ESR1: variants seen among roughly 807,000 people sequenced by gnomAD.
ESR1 encodes the protein estrogen receptor.
ESR1 carries 12 observed loss-of-function variants against 52.7 expected under a neutral mutation model. That is an observed-to-expected ratio of 0.23 (90% CI 0.15 to 0.37). The LOEUF (loss-of-function observed/expected upper bound fraction) is 0.37, where lower values mean the gene tolerates loss of function less well. Among genes scored for constraint, ESR1 ranks in the 10% least tolerant of loss-of-function variants. The pLI is 1.00. For missense variants in ESR1, 584 were observed against 779.7 expected, an observed-to-expected ratio of 0.75 and a Z score of 2.99; for synonymous variants, 305 against 316.8, an observed-to-expected ratio of 0.96 and a Z score of 0.39.
At chr6:152,124,898 TTGCTAGGCAGCACTC>T (rs1163776372) in intron 6 of ESR1, among the ~76,000 whole-genome samples, 1 of 152,212 alleles carries the variant, frequency 6.6e-6, no homozygotes, top group Non-Finnish European at 1.5e-5. Context: ...ACTCTTCTAA[TTGCTAGGCAGCACTC>T]TGAGCATTTA....
rs9340899 is a variant in ESR1 at position 151,943,053 on chromosome 6, C to T, written c.761-1120C>T. ...TGGATCCCCCCTCTTCACCCCATTT[C>T]GTAATTTAGTTAGTGAGAACCACAA... On this transcript the variant is annotated intron_variant, in intron 3 of 7. Transcript: ENST00000206249. Among the ~76,000 whole-genome samples, 264 of 152,252 alleles carry T rather than the reference C, an allele frequency of 1.7e-3. 1 individual carries two copies. Among genetic ancestry groups the T allele is most frequent in the African/African-American group, 6.1e-3 (253 of 41,544 alleles).
chr6:152,096,170 A>G (rs1280402715), intron 7 of ESR1, among the ~76,000 whole-genome samples: 1 of 152,216 alleles, frequency 6.6e-6, no homozygotes, highest in Non-Finnish European at 1.5e-5. Flanking sequence ...ATGAAGCCAC[A>G]ATGACGATGT....
intron 6 of ESR1, among the ~76,000 whole-genome samples, chr6:152,072,351 G>C (rs1455892903): frequency 6.6e-6 from 1 of 152,082 alleles, no homozygotes; most frequent in Non-Finnish European, 1.5e-5. Context: ...CTTTGCCACT[G>C]ATTTTTTTTT....
chr6:151,897,208 G>T lies in ESR1; in HGVS notation c.760+16437G>T, dbSNP rs534679850. Among the ~76,000 whole-genome samples, 17 of 152,240 alleles carry T rather than the reference G, an allele frequency of 1.1e-4. No homozygotes were observed. In the East Asian group the frequency reaches 3.3e-3, roughly 29 times the overall value. On this transcript the variant is annotated intron_variant, in intron 3 of 7. Transcript: ENST00000206249. ...ATCTGTTAAGTCCATTTGTTCCAGG[G>T]TACAATTTAAATCCATTGTTTCTTT...
chr6:151,765,614 A>T (rs1300130433), intron 2 of ESR1, among the ~76,000 whole-genome samples: 1 of 152,164 alleles, frequency 6.6e-6, no homozygotes, highest in Non-Finnish European at 1.5e-5. Context: ...CATTAGTTCC[A>T]TGTCGACCCT....
chr6:151,685,566 T>C (rs1778633437), upstream of ESR1, among the ~76,000 whole-genome samples: 1 of 152,220 alleles, frequency 6.6e-6, no homozygotes, highest in Admixed American at 6.5e-5. Flanking sequence ...TGCTTCCTGC[T>C]GAGAAGTGTG....
intron 3 of ESR1, among the ~76,000 whole-genome samples, chr6:151,938,895 T>C (rs1480091785): frequency 6.6e-6 from 1 of 152,194 alleles, no homozygotes; most frequent in African/African-American, 2.4e-5. Context: ...GAAAGAGAGC[T>C]TGGTATCTCG....
At chr6:151,927,522 G>A (rs1369535295) in intron 3 of ESR1, among the ~76,000 whole-genome samples, 1 of 152,068 alleles carries the variant, frequency 6.6e-6, no homozygotes, top group Non-Finnish European at 1.5e-5. Context: ...AATATATATA[G>A]AGATATTTAG....
chr6:151,705,067 G>T (rs1780084809), intron 2 of ESR1, among the ~76,000 whole-genome samples: 1 of 151,914 alleles, frequency 6.6e-6, no homozygotes, highest in African/African-American at 2.4e-5. Flanking sequence ...ACTGTGAAAT[G>T]ATATTTGTAT....
chr6:151,838,362 C>T (rs1783725718), intron 1 of ESR1, among the ~76,000 whole-genome samples: 1 of 152,232 alleles, frequency 6.6e-6, no homozygotes, highest in Non-Finnish European at 1.5e-5. Context: ...AGGTGGGGAC[C>T]TGTACCTAGG....
In ESR1 at chr6:151,944,338, C is replaced by T. The variant is rs2128528002; in HGVS notation, c.926C>T (p.Ser309Phe). Residue 309 changes from serine to phenylalanine, a missense_variant, in exon 4 of 8, where the codon TCC (serine) becomes TTC (phenylalanine). By Grantham distance (155) the Ser-to-Phe change is radical. Transcript: ENST00000206249. ...TCTAAGAAGAACAGCCTGGCCTTGT[C>T]CCTGACGGCCGACCAGATGGTCAGT... Reference protein sequence around the residue: ...KRSKKNSLALSLTADQMVSAL... With the variant: ...KRSKKNSLALFLTADQMVSAL... 3 of 1,614,100 alleles carry T rather than the reference C, an allele frequency of 1.9e-6. No individual in the cohort carries two copies. Among genetic ancestry groups the T allele is most frequent in the Non-Finnish European group, 2.5e-6 (3 of 1,180,016 alleles).
At chr6:151,783,495 T>A (rs1786743333) in intron 2 of ESR1, among the ~76,000 whole-genome samples, 1 of 152,220 alleles carries the variant, frequency 6.6e-6, no homozygotes, top group South Asian at 2.1e-4. Flanking sequence ...TACAGAGTGG[T>A]GCTACAATCT....
upstream of ESR1, among the ~76,000 whole-genome samples, chr6:151,804,214 G>A (rs1777554459): frequency 6.6e-6 from 1 of 152,210 alleles, no homozygotes; most frequent in Non-Finnish European, 1.5e-5. Context: ...AGAGAATGCT[G>A]GAGAGAAAGT....
At position 152,099,602 on chromosome 6, in the gene ESR1, G is replaced by A; in HGVS notation, c.*636G>A. The A allele has an allele frequency of 4.1e-6, 1 of 243,814 alleles. No homozygotes were observed. The highest frequency in any genetic ancestry group is 5.9e-5 in the East Asian group (1 of 16,824). The allele number at this position is 243,814 out of a possible 1,614,324, so 15.1% of individuals were successfully genotyped here. On this transcript the variant is annotated 3_prime_UTR_variant, in exon 8 of 8. Coordinates refer to ENST00000206249, the MANE Select transcript of ESR1 (RefSeq NM_000125.4). ...GGAAGGCAGATCCCCTAGTTGGCAA[G>A]ACTATTTTAACTTGATACACTGCAG...
intron 6 of ESR1, chr6:152,122,331 G>T: frequency 1.9e-6 from 3 of 1,593,044 alleles, no homozygotes; most frequent in Non-Finnish European, 8.6e-7. Context: ...CTGCCACACC[G>T]AGGGCTTTCG....
intron 5 of ESR1, among the ~76,000 whole-genome samples, chr6:152,038,543 T>C (rs1045964615): frequency 4.6e-5 from 7 of 152,142 alleles, no homozygotes; most frequent in African/African-American, 1.7e-4. Flanking sequence ...AATACAACTA[T>C]CGTTCATACA....
chr6:152,052,767 T>C lies in ESR1; in HGVS notation c.1236-8224T>C, dbSNP rs527665588. 2.2e-3 allele frequency among the ~76,000 whole-genome samples: 328 copies of C among 151,316 alleles called. 1 individual carries two copies. The highest frequency in any genetic ancestry group is 7.9e-3 in the African/African-American group (326 of 41,178). On this transcript the variant is annotated intron_variant, in intron 5 of 7. Coordinates refer to ENST00000206249, the MANE Select transcript of ESR1 (RefSeq NM_000125.4). ...GACACCTCCAAAGGCAGGATGGGGGTGAGGTGGGGTGGGCGGTGGTGATCC... is the reference window on the plus strand; with the variant it reads ...GACACCTCCAAAGGCAGGATGGGGGCGAGGTGGGGTGGGCGGTGGTGATCC...
chr6:151,741,003 T>C (rs917934360), intron 2 of ESR1, among the ~76,000 whole-genome samples: 1 of 152,160 alleles, frequency 6.6e-6, no homozygotes, highest in Non-Finnish European at 1.5e-5. Context: ...TGGATCCTGG[T>C]GGTGGCTGTG....
At chr6:152,122,615 C>G in intron 6 of ESR1, 1 of 1,614,142 alleles carries the variant, frequency 6.2e-7, no homozygotes, top group South Asian at 1.1e-5. Context: ...AACAGGAAGC[C>G]GCGGCCGGAC....
Sources: gnomAD v4.1 joint callset for allele counts (sites outside exome capture counted in the v4.1 genomes callset) on GRCh38, gnomAD v4.1.1 for gene constraint, MANE v1.5 for transcripts, NCBI Gene and HGNC (gene_info 2026-07-23, HGNC 2026-07-21) for gene names.